The following BRD8 variants were observed in gnomAD, a reference collection of about 807,000 sequenced individuals.
BRD8 encodes the protein bromodomain-containing protein 8.
BRD8 carries 67 observed loss-of-function variants against 143.1 expected under a neutral mutation model. That is an observed-to-expected ratio of 0.47 (90% CI 0.38 to 0.57). The LOEUF is 0.57. Among genes scored for constraint, BRD8 ranks in the 20% least tolerant of loss-of-function variants. The pLI, the probability that BRD8 is intolerant of heterozygous loss-of-function variation, is 0.00. For synonymous variants in BRD8, 505 were observed against 517.1 expected, an observed-to-expected ratio of 0.98 and a Z score of 0.32; for missense variants, 1,103 against 1,503.0, an observed-to-expected ratio of 0.73 and a Z score of 4.40.
intron 20 of BRD8, among the ~76,000 whole-genome samples, chr5:138,155,210 G>A (rs1752534042): frequency 6.6e-6 from 1 of 151,326 alleles, no homozygotes; most frequent in Non-Finnish European, 1.5e-5. Flanking sequence ...ACTTTGGGAG[G>A]CCGAAGCGGG....
At position 138,167,368 on chromosome 5, in the gene BRD8, C is replaced by G. The variant is rs534668441; in HGVS notation, c.787+566G>C. Reference sequence around the variant, plus strand: ...ACTGGTATGAATAAATCTGTCGCTTCTGCTGAAGTTCAGCATATTGTAAAC... The same window carrying G: ...ACTGGTATGAATAAATCTGTCGCTTGTGCTGAAGTTCAGCATATTGTAAAC... On this transcript the variant is annotated intron_variant, in intron 9 of 26. Transcript: ENST00000254900. Among the ~76,000 whole-genome samples, 5 of 152,288 alleles carry G rather than the reference C, an allele frequency of 3.3e-5. No homozygotes were observed. The East Asian group carries it at 7.7e-4, about 24-fold the overall frequency.
rs777900406 is a variant in BRD8 at position 138,165,971 on chromosome 5, C to A, written c.1135G>T (p.Ala379Ser). ...EECFRSGVAE[A>S]PVGSKAPSID... Reference sequence around the variant, plus strand: ...CTGGGAGCCTTTGATCCAACAGGAGCCTCTGCTACCCCTGATCGAAAACAC... The same window carrying A: ...CTGGGAGCCTTTGATCCAACAGGAGACTCTGCTACCCCTGATCGAAAACAC... Residue 379 changes from alanine to serine, a missense_variant, in exon 11 of 27, where the codon GCT becomes TCT. Ala to Ser is a moderately conservative substitution (Grantham distance 99). Transcript: ENST00000254900. 3 of 1,614,140 alleles carry A rather than the reference C, an allele frequency of 1.9e-6. No homozygotes were observed. Among genetic ancestry groups the A allele is most frequent in the Non-Finnish European group, 2.5e-6 (3 of 1,180,040 alleles).
chr5:138,147,245 C>T (rs1012009705), intron 23 of BRD8, among the ~76,000 whole-genome samples: 2 of 149,898 alleles, frequency 1.3e-5, no homozygotes, highest in Non-Finnish European at 3.0e-5. Flanking sequence ...CCAGCTTGGG[C>T]AACAAAGCAA....
Position 138,167,967 on chromosome 5 carries a change from G to T in BRD8, c.754C>A (p.Pro252Thr), listed in dbSNP as rs747461661. ...GCAGGGGAGGCTGCAACAGTATTGGGTGTTTGCTGTATCTCCCCACCATGT... is the reference window on the plus strand; with the variant it reads ...GCAGGGGAGGCTGCAACAGTATTGGTTGTTTGCTGTATCTCCCCACCATGT... ...MIHGGEIQQT[P>T]NTVAASPAAS... The change falls in exon 9 of 27, where the codon CCC becomes ACC. Residue 252 changes from proline to threonine, a missense_variant. Physicochemically the swap from Pro to Thr is conservative, Grantham distance 38. Around this residue, in one of 7 missense-constraint regions of BRD8, gnomAD observed 334 missense variants for 372.5 expected, o/e 0.90. Coordinates refer to ENST00000254900, the MANE Select transcript of BRD8 (RefSeq NM_139199.2). The T allele has an allele frequency of 6.2e-7, 1 of 1,613,676 alleles. No individual in the cohort carries two copies. Among genetic ancestry groups the T allele is most frequent in the Non-Finnish European group, 8.5e-7 (1 of 1,179,570 alleles).
intron 23 of BRD8, 63 bp downstream of exon 23, chr5:138,149,577 G>A: frequency 7.3e-7 from 1 of 1,361,360 alleles, no homozygotes. Context: ...TCCATTTCAT[G>A]ATTCAAATAG....
Position 138,152,770 on chromosome 5 carries a change from C to G in BRD8, c.2578-10G>C, listed in dbSNP as rs761072491. The G allele has an allele frequency of 1.9e-6, 3 of 1,604,908 alleles. 1 individual carries two copies. The Admixed American group carries it at 5.0e-5, about 27-fold the overall frequency. On this transcript the variant is annotated splice_polypyrimidine_tract_variant and intron_variant, in intron 20 of 26. Transcript: ENST00000254900. ...CCCACTCGTGTCCCATCTGTAAATACACAGGAAAACATGCATTAAATTCAT... is the reference window on the plus strand; with the variant it reads ...CCCACTCGTGTCCCATCTGTAAATAGACAGGAAAACATGCATTAAATTCAT...
rs370985949 is a variant in BRD8, at chr5:138,149,764, G to A, written c.3154C>T (p.Gln1052Ter). The A allele has an allele frequency of 5.6e-6, 9 of 1,610,662 alleles. No homozygotes were observed. Among genetic ancestry groups the A allele is most frequent in the Non-Finnish European group, 6.8e-6 (8 of 1,178,990 alleles). Reference sequence around the variant, plus strand: ...ATCTCTGACACATATACTTCACCCTGGTCCTCCCCTTTGGATTCTTGCTGA... The same window carrying A: ...ATCTCTGACACATATACTTCACCCTAGTCCTCCCCTTTGGATTCTTGCTGA... ...EAQQESKGED[Q>*]GEVYVSEMED... Residue 1052 changes from glutamine to a stop codon, truncating the protein, a stop_gained, in exon 23 of 27, where the codon CAG (glutamine) becomes TAG (stop). Coordinates refer to ENST00000254900, the MANE Select transcript of BRD8 (RefSeq NM_139199.2). LOFTEE classifies it high-confidence loss of function.
intron 7 of BRD8, among the ~76,000 whole-genome samples, chr5:138,169,725 T>G (rs778435310): frequency 3.3e-5 from 5 of 152,178 alleles, no homozygotes; most frequent in South Asian, 2.1e-4. Flanking sequence ...TCCCAGCACT[T>G]TGGGAGGCCA....
chr5:138,169,004 C>A (rs990406174), intron 8 of BRD8, among the ~76,000 whole-genome samples: 1 of 152,178 alleles, frequency 6.6e-6, no homozygotes, highest in African/African-American at 2.4e-5. Flanking sequence ...GAAACAATTT[C>A]TTAAAATAGT....
chr5:138,167,804 T>G, intron 9 of BRD8, 130 bp downstream of exon 9: 1 of 764,772 alleles, frequency 1.3e-6, no homozygotes, highest in Non-Finnish European at 2.3e-6. Flanking sequence ...GTAAAGTAGC[T>G]CCAAAAAAAA....
In BRD8 at chr5:138,152,559, C is replaced by A; in HGVS notation, c.2779G>T (p.Gly927Trp). Residue 927 changes from glycine (G) to tryptophan (W), a missense_variant, in exon 21 of 27, where the codon GGG becomes TGG. This residue lies in a region of BRD8 where 369 missense variants were observed against 445.5 expected (regional missense o/e 0.83). Transcript: ENST00000254900. ...PEREPSELLVGDGGSEESQEA... is the reference protein window; with the variant it reads ...PEREPSELLVWDGGSEESQEA... ...TGAGATTCCTCACTGCCTCCATCCC[C>A]AACAAGCAGTTCACTAGGTTCTCTC... The A allele has an allele frequency of 6.2e-7, 1 of 1,614,206 alleles. No individual in the cohort carries two copies. The highest frequency in any genetic ancestry group is 8.5e-7 in the Non-Finnish European group (1 of 1,180,042).
At chr5:138,145,070 CAT>C in intron 25 of BRD8, 105 bp downstream of exon 25, 1 of 1,162,886 alleles carries the variant, frequency 8.6e-7, no homozygotes, top group Non-Finnish European at 1.2e-6. Flanking sequence ...GGCTATGAAA[CAT>C]ATCTTGAGTT....
chr5:138,157,080 G>C, intron 20 of BRD8: 1 of 1,542,608 alleles, frequency 6.5e-7, no homozygotes, highest in Non-Finnish European at 8.7e-7. Context: ...AGATTTTCCA[G>C]CTCATGTCGT....
intron 23 of BRD8, among the ~76,000 whole-genome samples, chr5:138,147,962 G>A (rs990646654): frequency 6.6e-6 from 1 of 150,912 alleles, no homozygotes; most frequent in African/African-American, 2.4e-5. Flanking sequence ...ATATTTTTTT[G>A]GTTTCCTGTT....
At position 138,170,896 on chromosome 5, in the gene BRD8, C is replaced by A; in HGVS notation, c.376G>T (p.Ala126Ser). The change falls in exon 6 of 27, where the codon GCA (alanine) becomes TCA (serine). Residue 126 changes from alanine to serine, a missense_variant. Physicochemically the swap from Ala to Ser is moderately conservative, Grantham distance 99. This residue lies in a region of BRD8 where 334 missense variants were observed against 372.5 expected (regional missense o/e 0.90). Transcript: ENST00000254900. ...QERYRRLKRDAELIQAGHMDS... is the reference protein window; with the variant it reads ...QERYRRLKRDSELIQAGHMDS... ...ATGTGTCCAGCTTGAATTAGTTCTGCATCTCTCTTTAGCCGTCTATAGGAA... is the reference window on the plus strand; with the variant it reads ...ATGTGTCCAGCTTGAATTAGTTCTGAATCTCTCTTTAGCCGTCTATAGGAA... The A allele has an allele frequency of 6.2e-7, 1 of 1,614,188 alleles. No homozygotes were observed. The highest frequency in any genetic ancestry group is 1.6e-4 in the Middle Eastern group (1 of 6,062).
At chr5:138,171,789 CAG>C (rs1483973999) in intron 3 of BRD8, among the ~76,000 whole-genome samples, 3 of 152,118 alleles carry the variant, frequency 2.0e-5, no homozygotes, top group Admixed American at 1.3e-4. Flanking sequence ...AATGAAAAAA[CAG>C]AGGATCATGG....
Position 138,150,735 on chromosome 5 carries a change from ACTTT to A in BRD8, c.3120+6_3120+9del. 6.3e-7 allele frequency: 1 copy of A among 1,592,826 alleles called. No individual in the cohort carries two copies. The highest frequency in any genetic ancestry group is 8.5e-7 in the Non-Finnish European group (1 of 1,170,722). On this transcript the variant is annotated splice_donor_region_variant and intron_variant, in intron 22 of 26. Transcript: ENST00000254900. ...ACCAACAAGACAGCTGATTTAAGTT[ACTTT>A]CTTACCTCTTCACTCTCTGTGAGTA...
At chr5:138,164,676 A>G (rs1051276099) in intron 12 of BRD8, 38 bp downstream of exon 12, 1 of 1,603,356 alleles carries the variant, frequency 6.2e-7, no homozygotes, top group African/African-American at 1.3e-5. Flanking sequence ...TCTAAGGTAT[A>G]AACCTCCATC....
chr5:138,159,527 C>G, intron 20 of BRD8, 28 bp downstream of exon 20: 1 of 1,612,608 alleles, frequency 6.2e-7, no homozygotes, highest in African/African-American at 1.3e-5. Context: ...TGTGGCAACA[C>G]CACCCCTTGC....
Sources: allele counts gnomAD v4.1 joint callset (sites outside exome capture counted in the v4.1 genomes callset), GRCh38; gene constraint gnomAD v4.1.1; regional missense constraint gnomAD v4.1.1; transcripts MANE v1.5; gene names NCBI Gene and HGNC (gene_info 2026-07-23, HGNC 2026-07-21).